The following HTR1D variants were observed in gnomAD, a reference collection of about 807,000 sequenced individuals.
HTR1D encodes the protein 5-hydroxytryptamine receptor 1D, also known as 5-HT-1D.
In HTR1D, 18 loss-of-function variants were observed where a neutral mutation model predicts 21.1. That is an observed-to-expected ratio of 0.85 (90% confidence interval 0.59 to 1.27). The LOEUF (loss-of-function observed/expected upper bound fraction) is 1.27. HTR1D is among the 50% of genes most tolerant of loss of function. The pLI, the probability that HTR1D is intolerant of heterozygous loss-of-function variation, is 0.00. For missense variants in HTR1D, 456 were observed against 481.4 expected, an observed-to-expected ratio of 0.95 and a Z score of 0.49; for synonymous variants, 196 against 204.4, an observed-to-expected ratio of 0.96 and a Z score of 0.35.
At position 23,205,372 on chromosome 1, in the gene HTR1D, T is replaced by C. The variant is rs1644725735; in HGVS notation, c.-782-10371A>G. The stretch of plus-strand genomic sequence containing the variant: ...TATTCATGTAACCAAATACCACCTG[T>C]ACCCCAATAACCTATGGGAAAAAAA... On this transcript the variant is annotated intron_variant, in intron 1 of 1. Transcript: ENST00000374619. 3.3e-5 allele frequency among the ~76,000 whole-genome samples: 5 copies of C among 152,270 alleles called. No individual in the cohort carries two copies. The South Asian group carries it at 1.0e-3, about 32-fold the overall frequency.
intron 1 of HTR1D, among the ~76,000 whole-genome samples, chr1:23,210,228 C>T (rs970942486): frequency 6.6e-6 from 1 of 152,178 alleles, no homozygotes; most frequent in Non-Finnish European, 1.5e-5. Flanking sequence ...CAGGTATGTG[C>T]CACCATGCCC....
intron 1 of HTR1D, among the ~76,000 whole-genome samples, chr1:23,210,741 C>T (rs980450733): frequency 2.0e-5 from 3 of 152,132 alleles, no homozygotes; most frequent in Admixed American, 1.3e-4. Flanking sequence ...CAGCTCTCAT[C>T]TGAGTTTCCA....
At chr1:23,207,759 C>CT (rs532795222) in intron 1 of HTR1D, among the ~76,000 whole-genome samples, 2,294 of 124,832 alleles carry the variant, frequency 0.018, 42 homozygotes, top group African/African-American at 0.038. Flanking sequence ...GCAAGAGCCT[C>CT]TTTTTTTTTT....
In HTR1D at chr1:23,194,120, G is replaced by C. The variant is rs760348024; in HGVS notation, c.100C>G (p.Leu34Val). The change falls in exon 2 of 2, where the codon CTC becomes GTC. Residue 34 changes from leucine to valine, a missense_variant. Transcript: ENST00000374619. Reference sequence around the variant, plus strand: ...GCAAGGGAGATCTTGAGCGCCTGGAGGGTCCTGGGATCCCAAGCCTCTGAG... The same window carrying C: ...GCAAGGGAGATCTTGAGCGCCTGGACGGTCCTGGGATCCCAAGCCTCTGAG... ...ETSEAWDPRT[L>V]QALKISLAVV... 1 of 1,614,172 alleles carries C rather than the reference G, an allele frequency of 6.2e-7. No individual in the cohort carries two copies. The highest frequency in any genetic ancestry group is 1.1e-5 in the South Asian group (1 of 91,088).
At position 23,192,930 on chromosome 1, in the gene HTR1D, AAGAAAAC is replaced by A; in HGVS notation, c.*149_*155del. 5.4e-6 allele frequency: 2 copies of A among 371,388 alleles called. No homozygotes were observed. Among genetic ancestry groups the A allele is most frequent in the Non-Finnish European group, 9.3e-6 (2 of 215,368 alleles). The allele number at this position is 371,388 out of a possible 1,614,324, so 23.0% of individuals were successfully genotyped here. A position where few individuals can be genotyped will look rare whatever the true frequency, so the allele number is the denominator to read the frequency against. On this transcript the variant is annotated 3_prime_UTR_variant, in exon 2 of 2. Transcript: ENST00000374619. Reference sequence around the variant, plus strand: ...ACCACCCACAGCTCTTTCAGAAGTTAAGAAAACAACAGGAAAAAGAACAATTCTGTTG... The same window carrying A: ...ACCACCCACAGCTCTTTCAGAAGTTAAACAGGAAAAAGAACAATTCTGTTG...
intron 1 of HTR1D, among the ~76,000 whole-genome samples, chr1:23,201,188 T>TG (rs35355965): frequency 2.6e-5 from 4 of 151,960 alleles, no homozygotes; most frequent in Admixed American, 6.6e-5. Flanking sequence ...GGATAGAAGA[T>TG]GGGGGAAGAT....
At chr1:23,210,977 C>T (rs763642296) in intron 1 of HTR1D, among the ~76,000 whole-genome samples, 4 of 152,150 alleles carry the variant, frequency 2.6e-5, no homozygotes, top group Non-Finnish European at 5.9e-5. Flanking sequence ...GTACTAACAA[C>T]AGGAATTCAT....
chr1:23,211,818 C>G (rs1644754697), intron 1 of HTR1D, among the ~76,000 whole-genome samples: 1 of 151,682 alleles, frequency 6.6e-6, no homozygotes, highest in Admixed American at 6.6e-5. Flanking sequence ...CACCATCATG[C>G]CTGGCAAATT....
intron 1 of HTR1D, among the ~76,000 whole-genome samples, chr1:23,211,623 A>ATGTC (rs1644753783): frequency 6.9e-6 from 1 of 145,242 alleles, no homozygotes; most frequent in Non-Finnish European, 1.5e-5. Context: ...GTATGTATGT[A>ATGTC]TGTATGTATG....
Position 23,193,185 on chromosome 1 carries a change from G to C in HTR1D, c.1035C>G (p.Gly345=), listed in dbSNP as rs1176696557. 1.9e-6 allele frequency: 3 copies of C among 1,614,050 alleles called. No individual in the cohort carries two copies. Among genetic ancestry groups the C allele is most frequent in the Non-Finnish European group, 2.5e-6 (3 of 1,179,998 alleles). Residue 345 remains glycine (G), a synonymous_variant, in exon 2 of 2, where the codon GGC becomes GGG. Transcript: ENST00000374619. ...PALFDFFTWL[G]YLNSLINPII... Reference sequence around the variant, plus strand: ...TTGGATTGATGAGGGAGTTTAAATAGCCTAGCCAGGTGAAGAAGTCAAAGA... The same window carrying C: ...TTGGATTGATGAGGGAGTTTAAATACCCTAGCCAGGTGAAGAAGTCAAAGA...
chr1:23,198,788 G>A (rs1644699262), intron 1 of HTR1D, among the ~76,000 whole-genome samples: 1 of 152,188 alleles, frequency 6.6e-6, no homozygotes. Flanking sequence ...ATAAATATAT[G>A]TGGCAAAACC....
At chr1:23,197,371 C>T (rs923455130) in intron 1 of HTR1D, among the ~76,000 whole-genome samples, 1 of 152,170 alleles carries the variant, frequency 6.6e-6, no homozygotes, top group African/African-American at 2.4e-5. Flanking sequence ...ATCTAGCTAC[C>T]TTTGGAGACA....
In HTR1D at chr1:23,198,671, AG is replaced by A. The variant is rs141029501; in HGVS notation, c.-782-3671del. Among the ~76,000 whole-genome samples the A allele has an allele frequency of 9.3e-3, 1,410 of 152,346 alleles. 23 individuals carry two copies. Among genetic ancestry groups the A allele is most frequent in the African/African-American group, 0.033 (1,357 of 41,570 alleles). ...TTCCTATGATGGAGGGCTACAGAGA[AG>A]CAAAACAGAGTAAACCACAGCTACA... On this transcript the variant is annotated intron_variant, in intron 1 of 1. Coordinates refer to ENST00000374619, the MANE Select transcript of HTR1D (RefSeq NM_000864.5).
At chr1:23,206,957 T>C (rs774045894) in intron 1 of HTR1D, among the ~76,000 whole-genome samples, 23 of 152,176 alleles carry the variant, frequency 1.5e-4, no homozygotes, top group Non-Finnish European at 3.2e-4. Flanking sequence ...GGGCTTTAGC[T>C]TGGCTTTGCT....
intron 1 of HTR1D, among the ~76,000 whole-genome samples, chr1:23,202,039 GT>G (rs1314139487): frequency 1.3e-5 from 2 of 151,960 alleles, no homozygotes; most frequent in African/African-American, 4.8e-5. Context: ...CACAGCAGGT[GT>G]TTTTTTAATT....
At chr1:23,215,145 C>T (rs1213364352) in intron 1 of HTR1D, among the ~76,000 whole-genome samples, 1 of 152,142 alleles carries the variant, frequency 6.6e-6, no homozygotes, top group Non-Finnish European at 1.5e-5. Flanking sequence ...GGCCAGGCTC[C>T]ATGGCTCATA....
chr1:23,194,477 T>C lies in HTR1D; in HGVS notation c.-258A>G. The C allele has an allele frequency of 4.3e-6, 1 of 230,440 alleles. No individual in the cohort carries two copies. The highest frequency in any genetic ancestry group is 9.2e-6 in the Non-Finnish European group (1 of 108,628). The allele number at this position is 230,440 out of a possible 1,614,324, so 14.3% of individuals were successfully genotyped here. On this transcript the variant is annotated 5_prime_UTR_variant, in exon 2 of 2. Coordinates refer to ENST00000374619, the MANE Select transcript of HTR1D (RefSeq NM_000864.5). ...GAATGCTGAGACAACTACCAGCTGG[T>C]AGTTAAAGGTCTTTCCTAAACCACA...
Position 23,194,258 on chromosome 1 carries a change from T to C in HTR1D, c.-39A>G. 1 of 1,571,742 alleles carries C rather than the reference T, an allele frequency of 6.4e-7. No individual in the cohort carries two copies. Among genetic ancestry groups the C allele is most frequent in the African/African-American group, 1.4e-5 (1 of 73,660 alleles). On this transcript the variant is annotated 5_prime_UTR_variant, in exon 2 of 2. Coordinates refer to ENST00000374619, the MANE Select transcript of HTR1D (RefSeq NM_000864.5). ...CTCTTCCCACAGACCTCCACACATT[T>C]GGCTCCTTCCTTCAAGGTTGTCCTG... is the stretch of plus-strand genomic sequence containing the variant.
intron 1 of HTR1D, among the ~76,000 whole-genome samples, chr1:23,210,132 G>A (rs1644748413): frequency 6.6e-6 from 1 of 152,154 alleles, no homozygotes; most frequent in Admixed American, 6.5e-5. Flanking sequence ...CACCTAGGCT[G>A]GAGTGCAATG....
Sources: gnomAD v4.1 joint callset for allele counts (sites outside exome capture counted in the v4.1 genomes callset) on GRCh38, gnomAD v4.1.1 for gene constraint, MANE v1.5 for transcripts, NCBI Gene and HGNC (gene_info 2026-07-23, HGNC 2026-07-21) for gene names.